TOP6BL: variants seen among roughly 807,000 people sequenced by gnomAD.
TOP6BL encodes the protein type 2 DNA topoisomerase 6 subunit B-like.
the TOP6BL span, chr11:66,843,143 C>A: frequency 6.2e-7 from 1 of 1,609,540 alleles, no homozygotes; most frequent in Non-Finnish European, 8.5e-7. Flanking sequence ...GAGAGGTCCT[C>A]ACCCCGGGCC....
the TOP6BL span, among the ~76,000 whole-genome samples, chr11:66,766,494 C>G: frequency 6.6e-6 from 1 of 152,272 alleles, no homozygotes; most frequent in African/African-American, 2.4e-5. Flanking sequence ...TTTATTGTAA[C>G]ATCTACCTTG....
At chr11:66,842,896 C>A in the TOP6BL span, 1 of 1,574,756 alleles carries the variant, frequency 6.4e-7, no homozygotes, top group Non-Finnish European at 8.6e-7. Flanking sequence ...GGGCAGCCCC[C>A]GCATAGAGGA....
the TOP6BL span, among the ~76,000 whole-genome samples, chr11:66,804,794 G>A: frequency 6.6e-6 from 1 of 151,998 alleles, no homozygotes; most frequent in Admixed American, 6.6e-5. Context: ...AAATTAGGCC[G>A]GGCGTGGTGG....
At chr11:66,836,266 G>T in the TOP6BL span, among the ~76,000 whole-genome samples, 15 of 152,020 alleles carry the variant, frequency 9.9e-5, no homozygotes, top group African/African-American at 3.6e-4. Flanking sequence ...GCCCAGGCTG[G>T]AGTGCAGTGG....
At chr11:66,825,091 C>T in the TOP6BL span, among the ~76,000 whole-genome samples, 3 of 151,574 alleles carry the variant, frequency 2.0e-5, no homozygotes, top group African/African-American at 4.8e-5. Flanking sequence ...CTCAAACTCC[C>T]GACCTCAGGT....
At chr11:66,825,316 T>A in the TOP6BL span, among the ~76,000 whole-genome samples, 1 of 135,034 alleles carries the variant, frequency 7.4e-6, no homozygotes, top group East Asian at 2.2e-4. Flanking sequence ...CTGTCACTAC[T>A]AAAAAAAAAA....
chr11:66,783,811 A>C, the TOP6BL span, among the ~76,000 whole-genome samples: 1 of 151,964 alleles, frequency 6.6e-6, no homozygotes, highest in Non-Finnish European at 1.5e-5. Flanking sequence ...GGTGGTTTTT[A>C]GTATATTTTC....
the TOP6BL span, chr11:66,800,541 T>A: frequency 7.7e-6 from 7 of 904,068 alleles, no homozygotes; most frequent in South Asian, 5.4e-5. Context: ...TAATTTAAAA[T>A]TTTTTAAGCT....
At chr11:66,816,581 A>G in the TOP6BL span, among the ~76,000 whole-genome samples, 17 of 151,930 alleles carry the variant, frequency 1.1e-4, no homozygotes, top group Non-Finnish European at 2.2e-4. Flanking sequence ...AATTTTTTTT[A>G]TTTTTAGAGA....
the TOP6BL span, chr11:66,821,905 C>G: frequency 9.7e-7 from 1 of 1,030,950 alleles, no homozygotes; most frequent in Non-Finnish European, 1.4e-6. Context: ...TCTTGTAACA[C>G]TGCATCTAGC....
chr11:66,826,580 AGAACAC>A, the TOP6BL span, among the ~76,000 whole-genome samples: 2 of 152,234 alleles, frequency 1.3e-5, no homozygotes, highest in Non-Finnish European at 2.9e-5. Flanking sequence ...GGTAGTGAAA[AGAACAC>A]TATATTGGGA....
At chr11:66,783,530 C>T in the TOP6BL span, among the ~76,000 whole-genome samples, 1 of 151,944 alleles carries the variant, frequency 6.6e-6, no homozygotes, top group Non-Finnish European at 1.5e-5. Context: ...TTTGGTAGCT[C>T]GTAGGGTTTT....
the TOP6BL span, among the ~76,000 whole-genome samples, chr11:66,752,203 C>T: frequency 2.0e-5 from 3 of 149,934 alleles, no homozygotes; most frequent in African/African-American, 7.4e-5. Context: ...GCTCCAGTAG[C>T]TTCCTTGGAA....
the TOP6BL span, among the ~76,000 whole-genome samples, chr11:66,802,694 T>C: frequency 6.6e-6 from 1 of 152,204 alleles, no homozygotes; most frequent in Non-Finnish European, 1.5e-5. Flanking sequence ...AGACTGCCTG[T>C]GGTTCTTAGT....
the TOP6BL span, among the ~76,000 whole-genome samples, chr11:66,807,246 A>G: frequency 1.3e-4 from 20 of 152,186 alleles, no homozygotes; most frequent in African/African-American, 4.8e-4. Context: ...AACCTTCTCA[A>G]TGAAGGCAAA....
the TOP6BL span, chr11:66,839,203 G>T: frequency 1.5e-5 from 7 of 456,240 alleles, no homozygotes; most frequent in Non-Finnish European, 3.1e-5. Context: ...TAGCAGAGAT[G>T]CCAGGTACTA....
the TOP6BL span, among the ~76,000 whole-genome samples, chr11:66,786,324 T>G: frequency 1.3e-5 from 2 of 152,112 alleles, no homozygotes; most frequent in African/African-American, 4.8e-5. Flanking sequence ...TTCTGTTTTC[T>G]TTTTTTCTCA....
At chr11:66,773,402 G>A in the TOP6BL span, among the ~76,000 whole-genome samples, 2 of 150,184 alleles carry the variant, frequency 1.3e-5, no homozygotes, top group Admixed American at 6.6e-5. Context: ...CAAGGAATTT[G>A]TCCATTTTAT....
At chr11:66,789,501 A>G in the TOP6BL span, among the ~76,000 whole-genome samples, 2 of 152,212 alleles carry the variant, frequency 1.3e-5, no homozygotes, top group Non-Finnish European at 2.9e-5. Context: ...TCAGGACAAC[A>G]GATATCCCTG....
Sources: gnomAD v4.1 joint callset for allele counts (sites outside exome capture counted in the v4.1 genomes callset) on GRCh38, gnomAD v4.1.1 for gene constraint, MANE v1.5 for transcripts, NCBI Gene and HGNC (gene_info 2026-07-23, HGNC 2026-07-21) for gene names.